The following SP140 variants were observed in gnomAD, a reference collection of about 807,000 sequenced individuals.
SP140 encodes the protein nuclear body protein SP140.
A neutral mutation model predicts 125.0 loss-of-function variants in SP140; 81 were observed. The observed-to-expected ratio is 0.65, with a 90% CI of 0.54 to 0.78. The LOEUF (loss-of-function observed/expected upper bound fraction) is 0.78. SP140 is among the 30% of genes least tolerant of loss of function. The probability of loss-of-function intolerance (pLI) is 0.00; values close to 1 mark genes in which losing one functional copy is unlikely to be tolerated. For missense variants in SP140, 858 were observed against 1,037.0 expected (o/e 0.83, Z 2.37); for synonymous variants, 312 against 354.0 (o/e 0.88, Z 1.33).
intron 11 of SP140, among the ~76,000 whole-genome samples, chr2:230,254,215 G>C (rs1031601824): frequency 1.3e-5 from 2 of 152,084 alleles, no homozygotes; most frequent in Admixed American, 6.6e-5. Context: ...CCCATGAAGA[G>C]TGCAAACTAT....
At chr2:230,234,875 G>T (rs1311443478) in intron 1 of SP140, 1 of 152,168 alleles carries the variant, frequency 6.6e-6, no homozygotes, top group Non-Finnish European at 1.5e-5. Context: ...TGAAACATCT[G>T]TATTTCCGCT....
rs746420820 is a variant in SP140 at position 230,255,550 on chromosome 2, G to A, written c.1240+18G>A. ...TGGGTCAGGTAAGGACGGGGGGGGG[G>A]ATTTCTGGCCCTGGGCTGCAGAGTG... On this transcript the variant is annotated intron_variant, in intron 12 of 26. Coordinates refer to ENST00000392045, the MANE Select transcript of SP140 (RefSeq NM_007237.5). 79 of 1,505,574 alleles carry A rather than the reference G, an allele frequency of 5.2e-5. No individual in the cohort carries two copies. Among genetic ancestry groups the A allele is most frequent in the African/African-American group, 7.2e-5 (5 of 69,836 alleles). 93.3% of individuals were successfully genotyped at this position (1,505,574 alleles called of 1,614,324 possible). A position where few individuals can be genotyped will look rare whatever the true frequency, so the allele number is the denominator to read the frequency against.
At chr2:230,189,318 G>C in the SP140 span, among the ~76,000 whole-genome samples, 2 of 151,900 alleles carry the variant, frequency 1.3e-5, no homozygotes, top group African/African-American at 2.4e-5. Context: ...GGCATTTAGC[G>C]CTATGAACTT....
At chr2:230,311,723 A>T in intron 26 of SP140, 128 bp downstream of exon 26, 1 of 973,560 alleles carries the variant, frequency 1.0e-6, no homozygotes, top group Admixed American at 2.7e-5. Context: ...GAAGTGATTG[A>T]TTGGTTTCAG....
chr2:230,274,681 A>C (rs867337496), intron 15 of SP140, among the ~76,000 whole-genome samples: 71 of 151,270 alleles, frequency 4.7e-4, no homozygotes, highest in African/African-American at 1.7e-3. Flanking sequence ...TTGTAAGACA[A>C]AAAAAAAATT....
At chr2:230,293,841 T>G (rs2057398215) in intron 20 of SP140, among the ~76,000 whole-genome samples, 1 of 152,214 alleles carries the variant, frequency 6.6e-6, no homozygotes, top group African/African-American at 2.4e-5. Context: ...TGAGTGCTTT[T>G]TGTCCGTAGA....
rs2048138098 is a variant in SP140, at chr2:230,237,299, T to TA, written c.237+40dup. ...TCCAAATGATGATAAACCAGGTCCATACTCAATTATGCCAAACTTCAAGAT... is the reference window on the plus strand; with the variant it reads ...TCCAAATGATGATAAACCAGGTCCATAACTCAATTATGCCAAACTTCAAGAT... On this transcript the variant is annotated intron_variant, in intron 2 of 26. Transcript: ENST00000392045. This position sits in a 1 kb window ranked among gnomAD's most constrained non-coding sequence, Gnocchi z 5.4. 3 of 1,580,782 alleles carry TA rather than the reference T, an allele frequency of 1.9e-6. No individual in the cohort carries two copies. The African/African-American group carries it at 4.1e-5, about 22-fold the overall frequency.
chr2:230,310,156 G>A (rs1219682287), intron 23 of SP140, 117 bp downstream of exon 23: 3 of 934,160 alleles, frequency 3.2e-6, no homozygotes, highest in East Asian at 2.6e-5. Flanking sequence ...GGTTCATCGG[G>A]TACTGGGACC....
At chr2:230,274,190 A>G (rs1320558272) in intron 15 of SP140, among the ~76,000 whole-genome samples, 1 of 152,058 alleles carries the variant, frequency 6.6e-6, no homozygotes, top group African/African-American at 2.4e-5. Context: ...GGAAATCAGA[A>G]ATCCCCATGA....
chr2:230,285,680 T>TG, intron 16 of SP140, 72 bp from the exon 17 acceptor site: 2 of 1,272,476 alleles, frequency 1.6e-6, no homozygotes, highest in Non-Finnish European at 2.3e-6. Context: ...CTCCCTCACT[T>TG]GCGTTTGTTC....
At chr2:230,253,771 TCAG>T (rs1202928648) in intron 11 of SP140, among the ~76,000 whole-genome samples, 1 of 152,210 alleles carries the variant, frequency 6.6e-6, no homozygotes, top group Non-Finnish European at 1.5e-5. Flanking sequence ...GAGATTGTTT[TCAG>T]CCTACTTTCA....
At chr2:230,285,720 C>T in intron 16 of SP140, 32 bp from the exon 17 acceptor site, 1 of 1,560,530 alleles carries the variant, frequency 6.4e-7, no homozygotes. Flanking sequence ...CTGCCCAGTT[C>T]TATTAATACA....
At chr2:230,268,947 A>G (rs2053534907) in intron 12 of SP140, among the ~76,000 whole-genome samples, 1 of 152,220 alleles carries the variant, frequency 6.6e-6, no homozygotes, top group Admixed American at 6.5e-5. Flanking sequence ...TAAGCAAGGC[A>G]CCTAGTGGGA....
At chr2:230,190,733 A>G in the SP140 span, among the ~76,000 whole-genome samples, 2 of 152,050 alleles carry the variant, frequency 1.3e-5, no homozygotes, top group Non-Finnish European at 2.9e-5. Flanking sequence ...TATTTTTTGT[A>G]TAAGATGTGA....
At chr2:230,283,148 T>C (rs1575193417) in intron 15 of SP140, among the ~76,000 whole-genome samples, 2 of 152,144 alleles carry the variant, frequency 1.3e-5, no homozygotes, top group East Asian at 3.9e-4. Context: ...GACTCAGCAT[T>C]CTCAGAGGCG....
intron 22 of SP140, among the ~76,000 whole-genome samples, chr2:230,303,754 C>G (rs1303831596): frequency 6.6e-6 from 1 of 152,118 alleles, no homozygotes; most frequent in African/African-American, 2.4e-5. Flanking sequence ...AGGGGACATA[C>G]CTTAAGGTAA....
chr2:230,271,959 G>A (rs2053995574), intron 15 of SP140, among the ~76,000 whole-genome samples: 1 of 152,092 alleles, frequency 6.6e-6, no homozygotes, highest in Non-Finnish European at 1.5e-5. Context: ...AAAAATAGAT[G>A]TGCGTTGCTA....
chr2:230,281,735 T>A (rs1211055167), intron 15 of SP140, among the ~76,000 whole-genome samples: 4 of 152,208 alleles, frequency 2.6e-5, no homozygotes, highest in Non-Finnish European at 4.4e-5. Flanking sequence ...GATGTCTCAG[T>A]AGTTTGTTCT....
At chr2:230,238,992 C>A in intron 3 of SP140, 1 of 1,490,658 alleles carries the variant, frequency 6.7e-7, no homozygotes, top group Non-Finnish European at 8.9e-7. Flanking sequence ...GAAGTGGATT[C>A]TGGAAGGCTT....
Sources: allele counts gnomAD v4.1 joint callset (sites outside exome capture counted in the v4.1 genomes callset), GRCh38; gene constraint gnomAD v4.1.1; non-coding constraint Gnocchi (gnomAD v3.1); transcripts MANE v1.5; gene names NCBI Gene and HGNC (gene_info 2026-07-23, HGNC 2026-07-21).